The following TBC1D9B variants were observed in gnomAD, a reference collection of about 807,000 sequenced individuals.
TBC1D9B encodes TBC1 domain family member 9B, also known as TBC1 domain family, member 9B (with GRAM domain).
A neutral mutation model predicts 121.1 loss-of-function variants in TBC1D9B; 87 were observed. The observed-to-expected ratio is 0.72, with a 90% CI of 0.60 to 0.86. TBC1D9B has a LOEUF of 0.86. TBC1D9B is among the 40% of genes least tolerant of loss of function. The pLI is 0.00. For synonymous variants in TBC1D9B, 668 were observed against 670.1 expected (o/e 1.00, Z 0.05); for missense variants, 1,540 against 1,628.6 (o/e 0.95, Z 0.94).
intron 7 of TBC1D9B, among the ~76,000 whole-genome samples, chr5:179,884,174 T>G (rs916520636): frequency 6.6e-6 from 1 of 152,118 alleles, no homozygotes; most frequent in African/African-American, 2.4e-5. Flanking sequence ...TGTGCTTCCA[T>G]TAATAAAAAA....
At chr5:179,879,278 G>A (rs1184668535) in intron 8 of TBC1D9B, 81 bp from the exon 9 acceptor site, 2 of 1,520,704 alleles carry the variant, frequency 1.3e-6, no homozygotes, top group African/African-American at 1.4e-5. Flanking sequence ...GAAGCCTCGT[G>A]AACACTCCAG....
intron 6 of TBC1D9B, among the ~76,000 whole-genome samples, chr5:179,888,753 T>G (rs953704659): frequency 2.0e-5 from 3 of 152,076 alleles, no homozygotes; most frequent in African/African-American, 7.2e-5. Flanking sequence ...AAGCTTTCAG[T>G]GGGCACCTCT....
intron 7 of TBC1D9B, among the ~76,000 whole-genome samples, chr5:179,887,157 T>G (rs1025485953): frequency 6.6e-6 from 1 of 152,216 alleles, no homozygotes; most frequent in Admixed American, 6.5e-5. Context: ...CTTCCCTCTT[T>G]GGGAGAATTT....
chr5:179,866,582 A>G (rs1223730016), intron 18 of TBC1D9B: 1 of 152,204 alleles, frequency 6.6e-6, no homozygotes, highest in Non-Finnish European at 1.5e-5. Context: ...CAGGCAACTC[A>G]CCCTGGAATG....
chr5:179,867,705 C>T (rs780104880), intron 18 of TBC1D9B, 73 bp downstream of exon 18: 28 of 1,596,198 alleles, frequency 1.8e-5, no homozygotes, highest in South Asian at 8.9e-5. Context: ...GGCCACTGCC[C>T]GAGCCCCACA....
intron 7 of TBC1D9B, among the ~76,000 whole-genome samples, chr5:179,887,328 A>G (rs1342357464): frequency 1.3e-5 from 2 of 152,210 alleles, no homozygotes; most frequent in Admixed American, 1.3e-4. Flanking sequence ...CCACAGGCGG[A>G]CCTGCCAGAA....
At chr5:179,894,275 G>C in intron 4 of TBC1D9B, 111 bp downstream of exon 4, 1 of 1,031,602 alleles carries the variant, frequency 9.7e-7, no homozygotes, top group Non-Finnish European at 1.4e-6. Flanking sequence ...GGTGGCATTT[G>C]GGTTTCAGGG....
rs369512229 is a variant in TBC1D9B at position 179,873,010 on chromosome 5, G to A, written c.2317-20C>T. ...GAATTTCTATAGGGAGAGGTGACTT[G>A]GTGAGATCAAGCCAACTGCAGGGCA... On this transcript the variant is annotated intron_variant, in intron 13 of 20. Transcript: ENST00000355235. 3.7e-6 allele frequency: 6 copies of A among 1,613,904 alleles called. No individual in the cohort carries two copies. The highest frequency in any genetic ancestry group is 4.2e-6 in the Non-Finnish European group (5 of 1,179,984).
chr5:179,867,855 C>A lies in TBC1D9B; in HGVS notation c.2792-6G>T, dbSNP rs776934962. On this transcript the variant is annotated splice_region_variant and splice_polypyrimidine_tract_variant and intron_variant, in intron 17 of 20. Coordinates refer to ENST00000355235, the MANE Select transcript of TBC1D9B (RefSeq NM_015043.4). ...GGCTTCCTCTGGGCTCAGAGCTGTG[C>A]TTGGAGAGAAGGCAGAGTGAGGGCA... The A allele has an allele frequency of 1.3e-6, 2 of 1,512,038 alleles. No homozygotes were observed. The allele number at this position is 1,512,038 out of a possible 1,614,324, so 93.7% of individuals were successfully genotyped here.
chr5:179,877,880 C>T (rs1401764185), intron 10 of TBC1D9B, among the ~76,000 whole-genome samples: 1 of 152,034 alleles, frequency 6.6e-6, no homozygotes, highest in Non-Finnish European at 1.5e-5. Context: ...GAAAGTAGAA[C>T]AGTGGTTGCT....
Position 179,893,374 on chromosome 5 carries a change from T to C in TBC1D9B, c.671A>G (p.Gln224Arg), listed in dbSNP as rs372431621. 17 of 1,614,010 alleles carry C rather than the reference T, an allele frequency of 1.1e-5. No homozygotes were observed. The highest frequency in any genetic ancestry group is 2.5e-6 in the Non-Finnish European group (3 of 1,180,036). The change falls in exon 5 of 21, where the codon CAG becomes CGG. Residue 224 changes from glutamine (Q) to arginine (R), a missense_variant. Physicochemically the swap from Gln to Arg is conservative, Grantham distance 43. Coordinates refer to ENST00000355235, the MANE Select transcript of TBC1D9B (RefSeq NM_015043.4). The stretch of plus-strand genomic sequence containing the variant: ...GAGGAACATGGAGAAGAAGAGCTCC[T>C]GGTCGCGGGTGTCCACACGGATGCT... ...PESIRVDTRD[Q>R]ELFFSMFLNI...
chr5:179,867,642 TC>T, intron 18 of TBC1D9B, 135 bp downstream of exon 18: 1 of 1,491,452 alleles, frequency 6.7e-7, no homozygotes, highest in Non-Finnish European at 9.2e-7. Context: ...CAGCCCGTGG[TC>T]CCCTGGGGAG....
chr5:179,883,861 A>G (rs1760605578), intron 7 of TBC1D9B, among the ~76,000 whole-genome samples: 1 of 152,192 alleles, frequency 6.6e-6, no homozygotes, highest in Non-Finnish European at 1.5e-5. Context: ...GTTGTGGGTC[A>G]GAGTAGCTTT....
At position 179,891,148 on chromosome 5, in the gene TBC1D9B, G is replaced by A. The variant is rs1760850330; in HGVS notation, c.1044+231C>T. ...CAAGTGACCTGAGAGGGCAAGCAGT[G>A]TGCCCCCACCATGTTACCTGCCTCC... On this transcript the variant is annotated intron_variant, in intron 6 of 20. Coordinates refer to ENST00000355235, the MANE Select transcript of TBC1D9B (RefSeq NM_015043.4). This position sits in a 1 kb window ranked among gnomAD's most constrained non-coding sequence, Gnocchi z 4.3. 6.6e-6 allele frequency among the ~76,000 whole-genome samples: 1 copy of A among 152,240 alleles called. No individual in the cohort carries two copies. Among genetic ancestry groups the A allele is most frequent in the Admixed American group, 6.5e-5 (1 of 15,290 alleles).
rs1760820341 is a variant in TBC1D9B, at chr5:179,890,164, G to A, written c.1044+1215C>T. Among the ~76,000 whole-genome samples the A allele has an allele frequency of 6.6e-6, 1 of 152,348 alleles. No homozygotes were observed. Among genetic ancestry groups the A allele is most frequent in the African/African-American group, 2.4e-5 (1 of 41,576 alleles). ...CTACACCCACAGCAGAGTGAGCTGC[G>A]TGCGCAAAAGCCTGCAGGCTGGAAC... On this transcript the variant is annotated intron_variant, in intron 6 of 20. Coordinates refer to ENST00000355235, the MANE Select transcript of TBC1D9B (RefSeq NM_015043.4). The surrounding 1 kb of genome is among the most constrained non-coding windows in gnomAD (Gnocchi z 5.0).
At chr5:179,907,884 CCGGAGCGGAGCGTG>C (rs1460932227) in exon 1 of TBC1D9B, 5,695 of 937,096 alleles carry the variant, frequency 6.1e-3, 149 homozygotes, top group African/African-American at 0.07. This position sits in a 1 kb window ranked among gnomAD's most constrained non-coding sequence, Gnocchi z 5.3. Context: ...CGTCGGCGTC[CCGGAGCGGAGCGTG>C]CGGAGCGGAG....
chr5:179,862,087 A>G lies in TBC1D9B; in HGVS notation c.*1361T>C, dbSNP rs1759855168. The G allele has an allele frequency of 6.1e-6, 1 of 164,508 alleles. No individual in the cohort carries two copies. The highest frequency in any genetic ancestry group is 5.7e-5 in the Admixed American group (1 of 17,528). The allele number at this position is 164,508 out of a possible 1,614,324, so 10.2% of individuals were successfully genotyped here. ...CAACTTTCATTACAGTATAACCGTT[A>G]CATTTTATTATTAGTTATTGTTGTC... On this transcript the variant is annotated 3_prime_UTR_variant, in exon 21 of 21. Transcript: ENST00000355235.
intron 2 of TBC1D9B, among the ~76,000 whole-genome samples, chr5:179,899,641 T>C (rs1024265480): frequency 3.9e-5 from 6 of 152,206 alleles, no homozygotes; most frequent in Admixed American, 2.6e-4. Flanking sequence ...TAACTTACAC[T>C]TTTCCTCAAG....
At chr5:179,869,260 C>T (rs1664868128) in intron 17 of TBC1D9B, 1 of 284,020 alleles carries the variant, frequency 3.5e-6, no homozygotes. Flanking sequence ...GGAGCATTGT[C>T]CATGCAGCCA....
Sources: gnomAD v4.1 joint callset for allele counts (sites outside exome capture counted in the v4.1 genomes callset) on GRCh38, gnomAD v4.1.1 for gene constraint, Gnocchi (gnomAD v3.1) non-coding constraint, MANE v1.5 for transcripts, NCBI Gene and HGNC (gene_info 2026-07-23, HGNC 2026-07-21) for gene names.